Variants in ZNF883 observed in about 807,000 individuals in gnomAD.
ZNF883 encodes zinc finger protein 883.
exon 1 of ZNF883, chr9:112,997,360 T>C (rs1828371887): frequency 6.2e-7 from 1 of 1,614,014 alleles, no homozygotes; most frequent in East Asian, 2.2e-5. Flanking sequence ...AGCAAAACAG[T>C]TTCTGACATT....
At chr9:113,006,331 C>T (rs147255337) in intron 2 of ZNF883, among the ~76,000 whole-genome samples, 13 of 152,214 alleles carry the variant, frequency 8.5e-5, no homozygotes, top group Non-Finnish European at 1.3e-4. Flanking sequence ...CATGAGTAAT[C>T]GACCCCTTGT....
At chr9:112,997,134 T>G (rs1420182211) in exon 1 of ZNF883, 1 of 1,602,740 alleles carries the variant, frequency 6.2e-7, no homozygotes, top group Non-Finnish European at 8.5e-7. Flanking sequence ...TCTGCTAAGG[T>G]TTCCTTTCTG....
upstream of ZNF883, chr9:112,998,967 T>G (rs1828394420): frequency 6.6e-6 from 1 of 152,236 alleles, no homozygotes; most frequent in Admixed American, 6.5e-5. Flanking sequence ...CTCAAACTGG[T>G]CATCAAATTC....
At chr9:112,998,014 A>C (rs1315383645) in exon 1 of ZNF883, 3 of 1,612,188 alleles carry the variant, frequency 1.9e-6, no homozygotes, top group Admixed American at 3.3e-5. Flanking sequence ...GAATAAGATT[A>C]GTGCTCTGAC....
At chr9:113,005,498 G>T (rs184085899) in intron 2 of ZNF883, among the ~76,000 whole-genome samples, 7 of 152,204 alleles carry the variant, frequency 4.6e-5, no homozygotes, top group Admixed American at 4.6e-4. Flanking sequence ...GTCAAAAACA[G>T]GCAGTATTCA....
At chr9:113,003,345 A>G (rs1242288636) in intron 2 of ZNF883, among the ~76,000 whole-genome samples, 1 of 152,174 alleles carries the variant, frequency 6.6e-6, no homozygotes. Flanking sequence ...AGGCCTTCCC[A>G]GCTTGCTGAA....
chr9:113,008,210 CTT>C (rs796548184), intron 2 of ZNF883, among the ~76,000 whole-genome samples: 28 of 152,312 alleles, frequency 1.8e-4, no homozygotes, highest in South Asian at 1.0e-3. Flanking sequence ...AGCATATTCT[CTT>C]TAATTTACTA....
chr9:112,993,824 T>G (rs970143989), downstream of ZNF883, among the ~76,000 whole-genome samples: 1 of 152,228 alleles, frequency 6.6e-6, no homozygotes, highest in Non-Finnish European at 1.5e-5. Flanking sequence ...AGAGACAGTC[T>G]GGTTATAACC....
chr9:112,991,972 G>T (rs1828307610), intron 1 of ZNF883, among the ~76,000 whole-genome samples: 1 of 152,100 alleles, frequency 6.6e-6, no homozygotes, highest in African/African-American at 2.4e-5. Flanking sequence ...GCCTATATGT[G>T]TCTTTGCATA....
In ZNF883 at chr9:113,010,896, G is replaced by A. The variant is rs1294559304; in HGVS notation, n.165+245C>T. On this transcript the variant is annotated intron_variant and non_coding_transcript_variant, in intron 2 of 4. Transcript: ENST00000638622. ...AGCTACTCAGGAGGCTGAGGCAGAA[G>A]AATCGCTTGAACCCAGGAGGCAGAG... is the stretch of plus-strand genomic sequence containing the variant. Among the ~76,000 whole-genome samples the A allele has an allele frequency of 2.0e-5, 3 of 149,058 alleles. No individual in the cohort carries two copies. In the East Asian group the frequency reaches 5.9e-4, roughly 29 times the overall value.
intron 1 of ZNF883, among the ~76,000 whole-genome samples, chr9:112,988,461 T>G (rs149800595): frequency 2.6e-4 from 40 of 152,342 alleles, no homozygotes; most frequent in African/African-American, 8.7e-4. Flanking sequence ...TCCACAGCCC[T>G]GCAAAGGACA....
rs745980510 is a variant in ZNF883 at position 112,997,550 on chromosome 9, T to C, written n.710A>G. 6.8e-6 allele frequency: 11 copies of C among 1,614,000 alleles called. No individual in the cohort carries two copies. The East Asian group carries it at 1.1e-4, about 16-fold the overall frequency. ...GGCCTTTCCACATGCATTACACTCA[T>C]AGGGTTTTTCTCCAGTATGAATTCT... On this transcript the variant is annotated non_coding_transcript_exon_variant, in exon 1 of 1. Transcript: ENST00000639662.
chr9:112,989,365 C>T (rs1828281161), intron 1 of ZNF883, among the ~76,000 whole-genome samples: 2 of 152,130 alleles, frequency 1.3e-5, no homozygotes, highest in South Asian at 4.1e-4. Flanking sequence ...CCCAGCACCA[C>T]TTATTAAATA....
downstream of ZNF883, among the ~76,000 whole-genome samples, chr9:112,992,780 T>A (rs1828314504): frequency 1.3e-5 from 2 of 152,188 alleles, no homozygotes. Context: ...CTTTTCATTC[T>A]TTTTTCTCTA....
In ZNF883 at chr9:113,005,660, T is replaced by A. The variant is rs1400399888; in HGVS notation, n.166-3587A>T. On this transcript the variant is annotated intron_variant and non_coding_transcript_variant, in intron 2 of 4. Transcript: ENST00000638622. ...GAGTCATAAACATTGTTAATAATAG[T>A]TATATTACCTGCAAAAATGAACTCA... 2.0e-5 allele frequency among the ~76,000 whole-genome samples: 3 copies of A among 152,160 alleles called. No individual in the cohort carries two copies. The East Asian group carries it at 5.8e-4, about 29-fold the overall frequency.
chr9:113,002,167 T>C (rs1828431681), upstream of ZNF883: 3 of 152,152 alleles, frequency 2.0e-5, no homozygotes, highest in Admixed American at 1.3e-4. Flanking sequence ...AATGACAAAG[T>C]GGAGGACTAT....
exon 1 of ZNF883, chr9:112,997,622 T>G: frequency 4.3e-6 from 7 of 1,613,898 alleles, no homozygotes; most frequent in Non-Finnish European, 5.9e-6. Context: ...TTTCCCACAT[T>G]CATTACATTC....
At chr9:113,005,753 G>A (rs1297036678) in intron 2 of ZNF883, among the ~76,000 whole-genome samples, 2 of 152,066 alleles carry the variant, frequency 1.3e-5, no homozygotes, top group Non-Finnish European at 2.9e-5. Flanking sequence ...TACTTCCAAT[G>A]TCTGTCTGCC....
At position 112,988,895 on chromosome 9, in the gene ZNF883, T is replaced by G. The variant is rs535499859; in HGVS notation, n.310-5316A>C. 1.4e-3 allele frequency among the ~76,000 whole-genome samples: 68 copies of G among 48,558 alleles called. 1 individual carries two copies. Among genetic ancestry groups the G allele is most frequent in the African/African-American group, 6.7e-3 (51 of 7,662 alleles). 31.9% of individuals were successfully genotyped at this position (48,558 alleles called of 152,430 possible). ...TTTCTCTAATGATTAGTGATGTTGG[T>G]TTTTTTTTCATGTTTGTTCACCACA... On this transcript the variant is annotated intron_variant and non_coding_transcript_variant, in intron 1 of 9. Transcript: ENST00000638823.
Sources: allele counts gnomAD v4.1 joint callset (sites outside exome capture counted in the v4.1 genomes callset), GRCh38; gene constraint gnomAD v4.1.1; transcripts MANE v1.5; gene names NCBI Gene and HGNC (gene_info 2026-07-23, HGNC 2026-07-21).